The following ABL1 variants were observed in gnomAD, a reference collection of about 807,000 sequenced individuals.
The protein encoded by ABL1 is tyrosine-protein kinase ABL1.
ABL1 carries 11 observed loss-of-function variants against 94.7 expected under a neutral mutation model. The observed-to-expected ratio is 0.12, with a 90% CI of 0.07 to 0.19. The LOEUF (loss-of-function observed/expected upper bound fraction) is 0.19. Ranked by LOEUF, ABL1 falls within the 10% of genes least tolerant of loss-of-function variation. The pLI, the probability that ABL1 is intolerant of heterozygous loss-of-function variation, is 1.00. For synonymous variants in ABL1, 656 were observed against 622.4 expected, an observed-to-expected ratio of 1.05 and a Z score of -0.80; for missense variants, 1,082 against 1,489.4, an observed-to-expected ratio of 0.73 and a Z score of 4.50.
In ABL1 at chr9:130,847,370, C is replaced by T. The variant is rs773044209; in HGVS notation, c.80-6694C>T. On this transcript the variant is annotated intron_variant, in intron 1 of 10. Transcript: ENST00000318560. ...AACAGAAGAAGGGAACTAGTTGGGG[C>T]ATCTTTTTTTTTTGAATGAAGCCTT... Among the ~76,000 whole-genome samples, 135 of 151,874 alleles carry T rather than the reference C, an allele frequency of 8.9e-4. 1 individual carries two copies. The highest frequency in any genetic ancestry group is 1.6e-3 in the Non-Finnish European group (108 of 67,972).
chr9:130,726,435 A>G (rs1212316236), intron 1 of ABL1, among the ~76,000 whole-genome samples: 2 of 151,974 alleles, frequency 1.3e-5, no homozygotes, highest in Non-Finnish European at 2.9e-5. Context: ...TTTAATGTCT[A>G]TAGGGTCTGT....
At chr9:130,716,349 G>A (rs1170564123) in intron 1 of ABL1, among the ~76,000 whole-genome samples, 4 of 152,014 alleles carry the variant, frequency 2.6e-5, no homozygotes, top group Admixed American at 1.3e-4. Context: ...CACCCACCTT[G>A]GCCTCCCAAA....
At chr9:130,799,029 A>G (rs1175130918) in intron 1 of ABL1, among the ~76,000 whole-genome samples, 1 of 151,910 alleles carries the variant, frequency 6.6e-6, no homozygotes, top group African/African-American at 2.4e-5. Flanking sequence ...AACAAAAATC[A>G]TCTTTACACA....
At chr9:130,806,524 T>A (rs898728267) in intron 1 of ABL1, among the ~76,000 whole-genome samples, 11 of 152,132 alleles carry the variant, frequency 7.2e-5, no homozygotes, top group African/African-American at 2.7e-4. Context: ...CATTTAAAAA[T>A]TAGCATAAGC....
intron 1 of ABL1, among the ~76,000 whole-genome samples, chr9:130,745,755 C>T (rs755315761): frequency 2.0e-5 from 3 of 151,832 alleles, no homozygotes; most frequent in African/African-American, 4.8e-5. Context: ...TCATGAACTC[C>T]ACAATTGTCT....
rs769953778 is a variant in ABL1 at position 130,885,432 on chromosome 9, G to A, written c.3142G>A (p.Glu1048Lys). The change falls in exon 11 of 11, where the codon GAG becomes AAG. Residue 1048 changes from glutamate (E) to lysine (K), a missense_variant. Around this residue, in one of 7 missense-constraint regions of ABL1, gnomAD observed 780 missense variants for 835.8 expected, o/e 0.93. Coordinates refer to ENST00000318560, the MANE Select transcript of ABL1 (RefSeq NM_005157.6). ...ALCLAISRNS[E>K]QMASHSAVLE... The stretch of plus-strand genomic sequence containing the variant: ...GTGCCTCGCCATCTCTAGGAACTCC[G>A]AGCAGATGGCCAGCCACAGCGCAGT... The A allele has an allele frequency of 8.1e-6, 13 of 1,613,608 alleles. No homozygotes were observed. The highest frequency in any genetic ancestry group is 4.4e-5 in the South Asian group (4 of 91,086).
chr9:130,753,745 T>C (rs1831999559), intron 1 of ABL1, among the ~76,000 whole-genome samples: 1 of 151,740 alleles, frequency 6.6e-6, no homozygotes, highest in African/African-American at 2.4e-5. Context: ...CTTAAATGTC[T>C]TTAGAGCAAA....
intron 1 of ABL1, among the ~76,000 whole-genome samples, chr9:130,773,132 C>T (rs1011461213): frequency 2.6e-5 from 4 of 152,070 alleles, no homozygotes; most frequent in African/African-American, 9.7e-5. Context: ...ACCAGCCTGA[C>T]CAGCATGGAG....
chr9:130,785,246 G>A (rs188529219), intron 1 of ABL1, among the ~76,000 whole-genome samples: 15 of 152,260 alleles, frequency 9.9e-5, no homozygotes, highest in East Asian at 3.9e-4. Flanking sequence ...GTGGACTGGC[G>A]TGCAAGATGC....
chr9:130,880,255 C>T lies in ABL1; in HGVS notation c.1513+98C>T. On this transcript the variant is annotated intron_variant, in intron 9 of 10. Transcript: ENST00000318560. The surrounding 1 kb of genome is among the most constrained non-coding windows in gnomAD (Gnocchi z 4.4). ...CGGTTCACTTCCTGGTGAAAGTTCACAGACCAGCCTGTCCTGAGACCAGAA... is the reference window on the plus strand; with the variant it reads ...CGGTTCACTTCCTGGTGAAAGTTCATAGACCAGCCTGTCCTGAGACCAGAA... The T allele has an allele frequency of 1.5e-6, 2 of 1,339,548 alleles. No homozygotes were observed. Among genetic ancestry groups the T allele is most frequent in the Non-Finnish European group, 1.1e-6 (1 of 935,170 alleles). The allele number at this position is 1,339,548 out of a possible 1,614,324, so 83.0% of individuals were successfully genotyped here. A position where few individuals can be genotyped will look rare whatever the true frequency, so the allele number is the denominator to read the frequency against.
rs1265755218 is a variant in ABL1 at position 130,886,025 on chromosome 9, T to A, written c.*342T>A. On this transcript the variant is annotated 3_prime_UTR_variant, in exon 11 of 11. Coordinates refer to ENST00000318560, the MANE Select transcript of ABL1 (RefSeq NM_005157.6). Reference sequence around the variant, plus strand: ...CTCCAGGCCAGGTGGGAACGGCTGATGTGGACTGTCTTTTTCATTTTTTTC... The same window carrying A: ...CTCCAGGCCAGGTGGGAACGGCTGAAGTGGACTGTCTTTTTCATTTTTTTC... The A allele has an allele frequency of 3.2e-6, 1 of 309,620 alleles. No homozygotes were observed. Among genetic ancestry groups the A allele is most frequent in the Non-Finnish European group, 6.0e-6 (1 of 167,444 alleles). 19.2% of individuals were successfully genotyped at this position (309,620 alleles called of 1,614,324 possible).
At chr9:130,830,833 G>GTCAC (rs1830486588), upstream of ABL1, among the ~76,000 whole-genome samples, 1 of 152,182 alleles carries the variant, frequency 6.6e-6, no homozygotes, top group African/African-American at 2.4e-5. Flanking sequence ...GGCTCTGAGA[G>GTCAC]GTGAAGTCGT....
intron 1 of ABL1, among the ~76,000 whole-genome samples, chr9:130,799,839 A>T (rs79563156): frequency 0.016 from 2,500 of 152,112 alleles, 56 homozygotes; most frequent in African/African-American, 0.058. Context: ...TAGTCAAGAG[A>T]GGATACTTAT....
chr9:130,790,003 A>C (rs1452865352), intron 1 of ABL1, among the ~76,000 whole-genome samples: 1 of 152,260 alleles, frequency 6.6e-6, no homozygotes, highest in South Asian at 2.1e-4. Context: ...ATTGAAACAG[A>C]TAATGAGTGA....
intron 1 of ABL1, among the ~76,000 whole-genome samples, chr9:130,840,857 A>G (rs1025753032): frequency 6.6e-6 from 1 of 152,280 alleles, no homozygotes; most frequent in East Asian, 1.9e-4. Context: ...ATGAACTCCC[A>G]TGTACTTATG....
At chr9:130,852,904 C>T (rs934959402) in intron 1 of ABL1, among the ~76,000 whole-genome samples, 1 of 151,600 alleles carries the variant, frequency 6.6e-6, no homozygotes, top group Non-Finnish European at 1.5e-5. Flanking sequence ...TGAGGGTGGT[C>T]GTGGGGGCAA....
At chr9:130,802,399 A>G (rs140577318) in intron 1 of ABL1, among the ~76,000 whole-genome samples, 16 of 152,132 alleles carry the variant, frequency 1.1e-4, no homozygotes, top group East Asian at 5.8e-4. Flanking sequence ...AGCCTTTTCA[A>G]TTTTTTATCT....
intron 1 of ABL1, among the ~76,000 whole-genome samples, chr9:130,793,388 A>G (rs1051630439): frequency 2.0e-5 from 3 of 152,156 alleles, no homozygotes; most frequent in African/African-American, 4.8e-5. Context: ...TTCCGCATAC[A>G]TATTGTGATG....
chr9:130,729,409 G>T (rs1831633043), intron 1 of ABL1, among the ~76,000 whole-genome samples: 1 of 152,058 alleles, frequency 6.6e-6, no homozygotes, highest in African/African-American at 2.4e-5. Flanking sequence ...CAGATTTCTT[G>T]CCCTACAAAT....
Sources: gnomAD v4.1 joint callset for allele counts (sites outside exome capture counted in the v4.1 genomes callset) on GRCh38, gnomAD v4.1.1 for gene constraint, gnomAD v4.1.1 regional missense constraint, Gnocchi (gnomAD v3.1) non-coding constraint, MANE v1.5 for transcripts, NCBI Gene and HGNC (gene_info 2026-07-23, HGNC 2026-07-21) for gene names.